AP3S1: variants seen among roughly 807,000 people sequenced by gnomAD.
The protein encoded by AP3S1 is adaptor related protein complex 3 subunit sigma 1.
AP3S1 carries 12 observed loss-of-function variants against 21.3 expected under a neutral mutation model. The ratio of observed to expected loss-of-function variants is 0.56; its 90% CI spans 0.36 to 0.91. The LOEUF is 0.91. Among genes scored for constraint, AP3S1 ranks in the 40% least tolerant of loss-of-function variants. The probability of loss-of-function intolerance (pLI) is 0.01; values close to 1 mark genes in which losing one functional copy is unlikely to be tolerated. For missense variants in AP3S1, 116 were observed against 225.0 expected (o/e 0.52, Z 3.10); for synonymous variants, 48 against 78.4 (o/e 0.61, Z 2.05).
intron 1 of AP3S1, among the ~76,000 whole-genome samples, chr5:115,856,400 G>T (rs754858395): frequency 6.6e-6 from 1 of 151,216 alleles, no homozygotes; most frequent in Non-Finnish European, 1.5e-5. Context: ...ATTATAAAAG[G>T]ATCCAATCAA....
At chr5:115,906,357 C>G (rs1751653226) in intron 5 of AP3S1, among the ~76,000 whole-genome samples, 1 of 151,902 alleles carries the variant, frequency 6.6e-6, no homozygotes, top group Non-Finnish European at 1.5e-5. Context: ...TGTCAGAAAT[C>G]AGAGCTTTTA....
intron 1 of AP3S1, chr5:115,842,533 A>G (rs1580590985): frequency 6.5e-6 from 1 of 154,888 alleles, no homozygotes; most frequent in African/African-American, 2.7e-5. Flanking sequence ...ACGGCGTGGA[A>G]CTCGTTCTTC....
chr5:115,907,631 CAT>C, intron 5 of AP3S1, among the ~76,000 whole-genome samples: 1 of 152,156 alleles, frequency 6.6e-6, no homozygotes, highest in South Asian at 2.1e-4. Flanking sequence ...CCAAACATGT[CAT>C]AATCAGAATC....
At chr5:115,880,146 A>G (rs28844376) in intron 3 of AP3S1, among the ~76,000 whole-genome samples, 26,767 of 152,126 alleles carry the variant, frequency 0.18, 2,570 homozygotes, top group Middle Eastern at 0.21. Flanking sequence ...GTCTTTTCAA[A>G]AAACCAGCTC....
chr5:115,910,664 G>C (rs1752026815), intron 5 of AP3S1, among the ~76,000 whole-genome samples: 2 of 152,062 alleles, frequency 1.3e-5, no homozygotes, highest in South Asian at 4.1e-4. Context: ...TTGTTTTATA[G>C]CCATTCTGGT....
At chr5:115,869,047 C>G (rs1747984945) in intron 2 of AP3S1, among the ~76,000 whole-genome samples, 1 of 150,630 alleles carries the variant, frequency 6.6e-6, no homozygotes, top group South Asian at 2.1e-4. Context: ...TACATATAGC[C>G]TTGATTGTAA....
At chr5:115,899,739 C>A (rs1266854622) in intron 4 of AP3S1, among the ~76,000 whole-genome samples, 2 of 151,738 alleles carry the variant, frequency 1.3e-5, no homozygotes, top group African/African-American at 4.8e-5. Flanking sequence ...GGAAATAATC[C>A]CAAAGCATAA....
At chr5:115,875,887 A>T (rs543300922) in intron 3 of AP3S1, among the ~76,000 whole-genome samples, 1 of 152,154 alleles carries the variant, frequency 6.6e-6, no homozygotes, top group Admixed American at 6.6e-5. Flanking sequence ...TGTTATTTTC[A>T]TGCTTGAGAA....
At chr5:115,865,072 A>G (rs1180090206) in intron 1 of AP3S1, among the ~76,000 whole-genome samples, 7 of 151,892 alleles carry the variant, frequency 4.6e-5, no homozygotes, top group African/African-American at 7.3e-5. Context: ...ATAAAGTTAT[A>G]TCAAGTATGC....
Position 115,841,968 on chromosome 5 carries a change from T to C in AP3S1, c.-70T>C. On this transcript the variant is annotated 5_prime_UTR_variant, in exon 1 of 6. Coordinates refer to ENST00000316788, the MANE Select transcript of AP3S1 (RefSeq NM_001284.4). ...GGTGGGGAAGGATCGCAGGCGAGAT[T>C]ACGAGGCGAGGCTCGCGCGCCCGCC... The C allele has an allele frequency of 1.4e-6, 2 of 1,470,880 alleles. No individual in the cohort carries two copies. The highest frequency in any genetic ancestry group is 2.7e-5 in the South Asian group (2 of 74,774). The allele number at this position is 1,470,880 out of a possible 1,614,324, so 91.1% of individuals were successfully genotyped here.
At chr5:115,849,100 A>T (rs1333761804) in intron 1 of AP3S1, among the ~76,000 whole-genome samples, 6 of 152,094 alleles carry the variant, frequency 3.9e-5, no homozygotes, top group Admixed American at 3.9e-4. Flanking sequence ...TCAAGTATTT[A>T]TTTGTTGTTT....
At chr5:115,891,796 G>T (rs1227240003) in intron 3 of AP3S1, among the ~76,000 whole-genome samples, 1 of 152,184 alleles carries the variant, frequency 6.6e-6, no homozygotes, top group Non-Finnish European at 1.5e-5. Context: ...ACACCAGCCT[G>T]TGAAAGCAGC....
At chr5:115,870,946 C>G (rs903323994) in intron 3 of AP3S1, among the ~76,000 whole-genome samples, 3 of 152,232 alleles carry the variant, frequency 2.0e-5, no homozygotes, top group Non-Finnish European at 4.4e-5. Context: ...CATTTGCTTG[C>G]ACGAATTCTC....
intron 2 of AP3S1, among the ~76,000 whole-genome samples, chr5:115,868,917 G>C (rs1006168158): frequency 4.4e-5 from 3 of 68,124 alleles, no homozygotes; most frequent in Admixed American, 1.9e-4. Context: ...GAGAAAGAGA[G>C]GATGAAGGGA....
intron 3 of AP3S1, among the ~76,000 whole-genome samples, chr5:115,893,906 T>G (rs1750531720): frequency 1.3e-5 from 2 of 152,206 alleles, no homozygotes; most frequent in African/African-American, 2.4e-5. Flanking sequence ...CATGGTCCCT[T>G]TATCTTAAGT....
intron 1 of AP3S1, among the ~76,000 whole-genome samples, chr5:115,861,830 A>G (rs1451667256): frequency 6.7e-6 from 1 of 148,450 alleles, no homozygotes; most frequent in East Asian, 2.0e-4. Context: ...TACAGACGTG[A>G]GTCACTGAAC....
chr5:115,904,841 A>G (rs1386021270), intron 5 of AP3S1, among the ~76,000 whole-genome samples: 1 of 152,232 alleles, frequency 6.6e-6, no homozygotes, highest in African/African-American at 2.4e-5. Context: ...TTTAAATGCC[A>G]AGGGACAAAC....
intron 5 of AP3S1, chr5:115,909,125 A>G (rs1751898086): frequency 1.2e-5 from 4 of 321,218 alleles, no homozygotes; most frequent in Non-Finnish European, 1.8e-5. Flanking sequence ...GTAGGATGGT[A>G]TTTTATGTCT....
chr5:115,880,543 G>C (rs1172709352), intron 3 of AP3S1, among the ~76,000 whole-genome samples: 1 of 152,136 alleles, frequency 6.6e-6, no homozygotes, highest in Non-Finnish European at 1.5e-5. Flanking sequence ...GTTCTAATTT[G>C]ATAGCACTGT....
Sources: gnomAD v4.1 joint callset for allele counts (sites outside exome capture counted in the v4.1 genomes callset) on GRCh38, gnomAD v4.1.1 for gene constraint, MANE v1.5 for transcripts, NCBI Gene and HGNC (gene_info 2026-07-23, HGNC 2026-07-21) for gene names.